The following STRA8 variants were observed in gnomAD, a reference collection of about 807,000 sequenced individuals.
STRA8 encodes the protein stimulated by retinoic acid 8.
A neutral mutation model predicts 37.1 loss-of-function variants in STRA8; 18 were observed. The observed-to-expected ratio is 0.48, with a 90% confidence interval of 0.34 to 0.72. The LOEUF is 0.72. STRA8 is among the 30% of genes least tolerant of loss of function. The pLI is 0.01. For missense variants in STRA8, 357 were observed against 410.4 expected, an observed-to-expected ratio of 0.87 and a Z score of 1.13; for synonymous variants, 168 against 162.9, an observed-to-expected ratio of 1.03 and a Z score of -0.24.
chr7:135,242,349 G>A (rs1267728840), intron 2 of STRA8, among the ~76,000 whole-genome samples: 1 of 152,152 alleles, frequency 6.6e-6, no homozygotes, highest in East Asian at 1.9e-4. Context: ...AAAAATAGTG[G>A]GAGAATAGGA....
intron 6 of STRA8, among the ~76,000 whole-genome samples, chr7:135,247,692 G>A (rs761307107): frequency 2.6e-5 from 4 of 152,162 alleles, no homozygotes; most frequent in Non-Finnish European, 5.9e-5. Context: ...AAAGAGCACT[G>A]GGATCGCTCT....
chr7:135,258,365 G>A (rs545720811), intron 8 of STRA8, 53 bp from the exon 9 acceptor site: 15 of 1,488,062 alleles, frequency 1.0e-5, no homozygotes, highest in African/African-American at 2.8e-5. Flanking sequence ...TATCTGCCTC[G>A]GGCCCAAGAC....
At chr7:135,241,533 C>T (rs193091767) in intron 2 of STRA8, among the ~76,000 whole-genome samples, 45 of 152,308 alleles carry the variant, frequency 3.0e-4, no homozygotes, top group Non-Finnish European at 5.4e-4. Flanking sequence ...CCAGGCCTGC[C>T]TCTCATGGCC....
At chr7:135,232,264 A>C (rs1348729974), upstream of STRA8, among the ~76,000 whole-genome samples, 1 of 151,316 alleles carries the variant, frequency 6.6e-6, no homozygotes, top group Non-Finnish European at 1.5e-5. Flanking sequence ...CACGGCAGGT[A>C]GGGCTGGTGG....
intron 7 of STRA8, among the ~76,000 whole-genome samples, chr7:135,254,249 C>G (rs1039203699): frequency 1.3e-5 from 2 of 152,120 alleles, no homozygotes; most frequent in African/African-American, 4.8e-5. Context: ...GAACTCCCTG[C>G]CCTGCTGATG....
chr7:135,256,429 G>A (rs1302680119), intron 8 of STRA8, among the ~76,000 whole-genome samples: 1 of 152,150 alleles, frequency 6.6e-6, no homozygotes, highest in Non-Finnish European at 1.5e-5. Context: ...TTTGAGAATA[G>A]ACGAAAAGGA....
At chr7:135,232,835 G>C (rs547969815), upstream of STRA8, among the ~76,000 whole-genome samples, 1 of 152,278 alleles carries the variant, frequency 6.6e-6, no homozygotes, top group South Asian at 2.1e-4. Context: ...TTCTAATCCA[G>C]AATCCCCTGC....
Position 135,246,601 on chromosome 7 carries a change from G to C in STRA8, c.778G>C (p.Ala260Pro). ...AQKHRGPATL[A>P]EACREPACAE... ...GAAGCACCGCGGCCCTGCGACCCTG[G>C]CGGAGGCCTGCCGAGAGCCGGCCTG... is the stretch of plus-strand genomic sequence containing the variant. Residue 260 changes from alanine (A) to proline (P), a missense_variant, in exon 6 of 9, where the codon GCG (alanine) becomes CCG (proline). Transcript: ENST00000662584. This position sits in a 1 kb window ranked among gnomAD's most constrained non-coding sequence, Gnocchi z 5.4. The C allele has an allele frequency of 6.5e-7, 1 of 1,538,494 alleles. No homozygotes were observed. Among genetic ancestry groups the C allele is most frequent in the Non-Finnish European group, 8.7e-7 (1 of 1,145,826 alleles).
At chr7:135,233,443 T>G (rs542455923), upstream of STRA8, among the ~76,000 whole-genome samples, 1 of 152,270 alleles carries the variant, frequency 6.6e-6, no homozygotes, top group Non-Finnish European at 1.5e-5. Flanking sequence ...AGGACAACCC[T>G]GTAAGCTGGT....
intron 2 of STRA8, 145 bp from the exon 3 acceptor site, chr7:135,242,636 C>G (rs1224191666): frequency 1.4e-6 from 1 of 706,546 alleles, no homozygotes; most frequent in East Asian, 2.6e-5. Flanking sequence ...AACAAACTTC[C>G]TATTCTTTTT....
rs1485199675 is a variant in STRA8, at chr7:135,233,920, C to T, written c.-7+17C>T. Among the ~76,000 whole-genome samples the T allele has an allele frequency of 2.6e-5, 4 of 152,094 alleles. No individual in the cohort carries two copies. The highest frequency in any genetic ancestry group is 5.9e-5 in the Non-Finnish European group (4 of 68,022). ...CGTTGGCGAGTAAGTATCCTTTGAA[C>T]GCTCCTCTCCAGAAAGGTGCCCTTG... On this transcript the variant is annotated intron_variant, in intron 1 of 8. Transcript: ENST00000662584.
chr7:135,231,938 A>G, upstream of STRA8: 1 of 1,586,134 alleles, frequency 6.3e-7, no homozygotes, highest in East Asian at 2.2e-5. Flanking sequence ...GGCCACCAGG[A>G]GGCCCCCAGT....
At position 135,245,402 on chromosome 7, in the gene STRA8, GGAGGAGGAAGAAGAA is replaced by G. The variant is rs1295272241; in HGVS notation, c.477_491del (p.Glu174_Glu178del). Reference sequence around the variant, plus strand: ...AGGAAGAGGAAGATCAAGAAGAAGAGGAGGAGGAAGAAGAAGAGGAGGAGGAGGAAGAGGAGGAAG... The same window carrying G: ...AGGAAGAGGAAGATCAAGAAGAAGAGGAGGAGGAGGAGGAAGAGGAGGAAG... On this transcript the variant is annotated inframe_deletion, in exon 5 of 9. Coordinates refer to ENST00000662584, the MANE Select transcript of STRA8 (RefSeq NM_001394401.1). 8.5e-6 allele frequency: 6 copies of G among 703,328 alleles called. No homozygotes were observed. Among genetic ancestry groups the G allele is most frequent in the African/African-American group, 2.4e-5 (1 of 41,386 alleles). 43.6% of individuals were successfully genotyped at this position (703,328 alleles called of 1,614,324 possible).
At chr7:135,253,449 G>A (rs1832664660) in intron 7 of STRA8, among the ~76,000 whole-genome samples, 1 of 152,156 alleles carries the variant, frequency 6.6e-6, no homozygotes, top group South Asian at 2.1e-4. Flanking sequence ...AGAAGGCGGG[G>A]AGGGGGCTCT....
chr7:135,258,577 C>A lies in STRA8; in HGVS notation c.*85C>A. 1 of 1,136,150 alleles carries A rather than the reference C, an allele frequency of 8.8e-7. No individual in the cohort carries two copies. The highest frequency in any genetic ancestry group is 1.3e-6 in the Non-Finnish European group (1 of 780,048). 70.4% of individuals were successfully genotyped at this position (1,136,150 alleles called of 1,614,324 possible). On this transcript the variant is annotated 3_prime_UTR_variant, in exon 9 of 9. Coordinates refer to ENST00000662584, the MANE Select transcript of STRA8 (RefSeq NM_001394401.1). Reference sequence around the variant, plus strand: ...TGCTGGCAGCTAAGGTTGCACCTGCCTTGGCCTCCAGGACTCTTTGGAGTG... The same window carrying A: ...TGCTGGCAGCTAAGGTTGCACCTGCATTGGCCTCCAGGACTCTTTGGAGTG...
chr7:135,242,990 T>G, intron 3 of STRA8, 134 bp downstream of exon 3: 4 of 985,914 alleles, frequency 4.1e-6, no homozygotes, highest in Non-Finnish European at 6.2e-6. Flanking sequence ...CCAGGAACTG[T>G]GCTTGGGCCA....
Position 135,258,519 on chromosome 7 carries a change from G to A in STRA8, c.*27G>A, listed in dbSNP as rs1271978446. 3 of 1,562,228 alleles carry A rather than the reference G, an allele frequency of 1.9e-6. No homozygotes were observed. Among genetic ancestry groups the A allele is most frequent in the African/African-American group, 1.4e-5 (1 of 73,998 alleles). On this transcript the variant is annotated 3_prime_UTR_variant, in exon 9 of 9. Coordinates refer to ENST00000662584, the MANE Select transcript of STRA8 (RefSeq NM_001394401.1). ...GCAGAAGAGGAGCTGCGAGGGGAGG[G>A]ACTGAATGAGGTGGGCAGTTCCCAA...
At position 135,240,665 on chromosome 7, in the gene STRA8, C is replaced by A; in HGVS notation, c.141C>A (p.Phe47Leu). 1 of 1,614,092 alleles carries A rather than the reference C, an allele frequency of 6.2e-7. No homozygotes were observed. Among genetic ancestry groups the A allele is most frequent in the Non-Finnish European group, 8.5e-7 (1 of 1,180,028 alleles). The change falls in exon 2 of 9, where the codon TTC becomes TTA. Residue 47 changes from phenylalanine (F) to leucine (L), a missense_variant. Phe to Leu is a conservative substitution (Grantham distance 22, BLOSUM62 0). Transcript: ENST00000662584. ...ACCGAGCCACCCTGGCAGCGCTCTT[C>A]AACAACCTCAGGAAGACAGTGTACT... ...ARHRATLAAL[F>L]NNLRKTVYSQ...
In STRA8 at chr7:135,237,913, A is replaced by C. The variant is rs116003244; in HGVS notation, c.-6-2606A>C. The stretch of plus-strand genomic sequence containing the variant: ...TCTCAAAACAAAAAACAAAACAAAA[A>C]AAAAAGAGCTCAGTCTAACAAAGAT... On this transcript the variant is annotated intron_variant, in intron 1 of 8. Coordinates refer to ENST00000662584, the MANE Select transcript of STRA8 (RefSeq NM_001394401.1). Among the ~76,000 whole-genome samples, 448 of 152,158 alleles carry C rather than the reference A, an allele frequency of 2.9e-3. 2 individuals carry two copies. The highest frequency in any genetic ancestry group is 9.6e-3 in the African/African-American group (400 of 41,504).
Sources: allele counts gnomAD v4.1 joint callset (sites outside exome capture counted in the v4.1 genomes callset), GRCh38; gene constraint gnomAD v4.1.1; non-coding constraint Gnocchi (gnomAD v3.1); transcripts MANE v1.5; gene names NCBI Gene and HGNC (gene_info 2026-07-23, HGNC 2026-07-21).